The following GFRA3 variants were observed in gnomAD, a reference collection of about 807,000 sequenced individuals.
The protein encoded by GFRA3 is GDNF family receptor alpha 3.
Under a neutral mutation model 40.0 loss-of-function variants are expected in GFRA3, and 24 were observed. The observed-to-expected ratio is 0.60, with a 90% CI of 0.43 to 0.84. GFRA3 has a LOEUF of 0.84. Among genes scored for constraint, GFRA3 ranks in the 40% least tolerant of loss-of-function variants. The pLI, the probability that GFRA3 is intolerant of heterozygous loss-of-function variation, is 0.00. For synonymous variants in GFRA3, 203 were observed against 213.5 expected (o/e 0.95, Z 0.43); for missense variants, 405 against 530.6 (o/e 0.76, Z 2.33).
In GFRA3 at chr5:138,257,915, G is replaced by A. The variant is rs1183313151; in HGVS notation, c.509C>T (p.Thr170Ile). ...CAGCCGGTCACACTTGTCATTGAGA[G>A]TACACAGCATGGCAAACTTGAGGCA... Reference protein sequence around the residue: ...DLCLKFAMLCTLNDKCDRLRK... With the variant: ...DLCLKFAMLCILNDKCDRLRK... The change falls in exon 4 of 8, where the codon ACT becomes ATT. Residue 170 changes from threonine to isoleucine, a missense_variant. By Grantham distance (89) the Thr-to-Ile change is moderately conservative (BLOSUM62 -1). Transcript: ENST00000274721. 6.2e-7 allele frequency: 1 copy of A among 1,614,126 alleles called. No homozygotes were observed.
intron 1 of GFRA3, among the ~76,000 whole-genome samples, chr5:138,271,991 T>A (rs4835673): frequency 7.9e-6 from 1 of 126,422 alleles, no homozygotes; most frequent in African/African-American, 3.1e-5. Context: ...TTTTGCACGT[T>A]CACAGTATTT....
chr5:138,259,422 C>T, intron 3 of GFRA3, 135 bp downstream of exon 3: 1 of 661,646 alleles, frequency 1.5e-6, no homozygotes, highest in East Asian at 2.7e-5. Flanking sequence ...TCCAGCCTGA[C>T]ACAGTCTTCC....
At chr5:138,258,533 C>G (rs1335782201) in intron 3 of GFRA3, among the ~76,000 whole-genome samples, 3 of 152,118 alleles carry the variant, frequency 2.0e-5, no homozygotes, top group Non-Finnish European at 4.4e-5. Context: ...CTATCATCAT[C>G]TATATGCATC....
At chr5:138,256,532 A>AC (rs1395711143) in intron 4 of GFRA3, among the ~76,000 whole-genome samples, 33 of 150,836 alleles carry the variant, frequency 2.2e-4, no homozygotes, top group East Asian at 1.8e-3. Flanking sequence ...CATCTCAAAA[A>AC]AAACAAACAA....
At chr5:138,260,225 G>T (rs114801866) in intron 2 of GFRA3, among the ~76,000 whole-genome samples, 2,297 of 152,274 alleles carry the variant, frequency 0.015, 28 homozygotes, top group South Asian at 0.033. Context: ...TCTGTGGATT[G>T]TGAGCTGAAG....
chr5:138,274,320 G>T lies in GFRA3; in HGVS notation c.91+14C>A, dbSNP rs774870199. ...CCCACTGTACCCCCGGCCGGTGCGC[G>T]CTCTGACACTCACCGGCTGCGAGAG... On this transcript the variant is annotated intron_variant, in intron 1 of 7. Transcript: ENST00000274721. The T allele has an allele frequency of 1.5e-6, 2 of 1,321,064 alleles. No individual in the cohort carries two copies. The highest frequency in any genetic ancestry group is 9.7e-7 in the Non-Finnish European group (1 of 1,029,674). The allele number at this position is 1,321,064 out of a possible 1,614,324, so 81.8% of individuals were successfully genotyped here.
chr5:138,259,944 G>A (rs1409841586), intron 2 of GFRA3, among the ~76,000 whole-genome samples: 6 of 152,070 alleles, frequency 3.9e-5, no homozygotes, highest in African/African-American at 7.2e-5. Context: ...TCGCACTTAC[G>A]CGATGGTGCT....
In GFRA3 at chr5:138,257,520, A is replaced by G. The variant is rs1203253248; in HGVS notation, c.785+119T>C. 6 of 733,966 alleles carry G rather than the reference A, an allele frequency of 8.2e-6. No homozygotes were observed. In the African/African-American group the frequency reaches 1.1e-4, roughly 14 times the overall value. 45.5% of individuals were successfully genotyped at this position (733,966 alleles called of 1,614,324 possible). The stretch of plus-strand genomic sequence containing the variant: ...AATATCCAAGGTAGCTACTTCGTGA[A>G]GCAGCCAGTGGGTCCACGGTTCCCT... On this transcript the variant is annotated intron_variant, in intron 4 of 7. Coordinates refer to ENST00000274721, the MANE Select transcript of GFRA3 (RefSeq NM_001496.4).
In GFRA3 at chr5:138,269,837, T is replaced by G. The variant is rs1327243581; in HGVS notation, c.91+4497A>C. Among the ~76,000 whole-genome samples, 3 of 105,498 alleles carry G rather than the reference T, an allele frequency of 2.8e-5. 1 individual carries two copies. In the South Asian group the frequency reaches 9.7e-4, roughly 34 times the overall value. 69.2% of individuals were successfully genotyped at this position (105,498 alleles called of 152,430 possible). A position where few individuals can be genotyped will look rare whatever the true frequency, so the allele number is the denominator to read the frequency against. On this transcript the variant is annotated intron_variant, in intron 1 of 7. Coordinates refer to ENST00000274721, the MANE Select transcript of GFRA3 (RefSeq NM_001496.4). ...CAGCCTGGTGGTGACACAGCAAGAC[T>G]CCATCTCAAAAAAAAAAAAAAAAAA... is the stretch of plus-strand genomic sequence containing the variant.
At position 138,257,801 on chromosome 5, in the gene GFRA3, G is replaced by A; in HGVS notation, c.623C>T (p.Ala208Val). The part of the protein sequence containing the change: ...RQLLTFFEKA[A>V]EPHAQGLLLC... ...TAGCAGGCCCTGCGCGTGGGGCTCG[G>A]CGGCCTTCTCGAAGAAAGTGAGCAG... Residue 208 changes from alanine (A) to valine (V), a missense_variant, in exon 4 of 8, where the codon GCC (alanine) becomes GTC (valine). Physicochemically the swap from Ala to Val is moderately conservative, Grantham distance 64. Coordinates refer to ENST00000274721, the MANE Select transcript of GFRA3 (RefSeq NM_001496.4). 6.2e-7 allele frequency: 1 copy of A among 1,613,226 alleles called. No homozygotes were observed. The highest frequency in any genetic ancestry group is 8.5e-7 in the Non-Finnish European group (1 of 1,179,654).
intron 6 of GFRA3, among the ~76,000 whole-genome samples, 176 bp from the exon 7 acceptor site, chr5:138,253,551 G>T (rs1384679209): frequency 3.3e-5 from 5 of 152,156 alleles, no homozygotes; most frequent in Non-Finnish European, 1.5e-5. Context: ...GATGTCCCTG[G>T]GTTCCAGACA....
intron 1 of GFRA3, among the ~76,000 whole-genome samples, chr5:138,271,999 TTTTC>T (rs1256123826): frequency 1.4e-5 from 2 of 142,280 alleles, no homozygotes; most frequent in Non-Finnish European, 3.0e-5. Flanking sequence ...GTTCACAGTA[TTTTC>T]TTTTTCTTTT....
rs371365382 is a variant in GFRA3 at position 138,254,100 on chromosome 5, T to G, written c.846A>C (p.Ala282=). ...CTCGTAGACATCTGGACTGCTCTGT[T>G]GCACAAGTTCCTAGGATGTCCATGG... ...CHPMDILGTC[A]TEQSRCLRAY... The change falls in exon 5 of 8, where the codon GCA becomes GCC. Residue 282 remains alanine (A), a synonymous_variant. Coordinates refer to ENST00000274721, the MANE Select transcript of GFRA3 (RefSeq NM_001496.4). 1.5e-5 allele frequency: 24 copies of G among 1,613,252 alleles called. No homozygotes were observed. Among genetic ancestry groups the G allele is most frequent in the Non-Finnish European group, 2.0e-5 (23 of 1,179,410 alleles).
intron 2 of GFRA3, among the ~76,000 whole-genome samples, chr5:138,262,782 TG>T (rs1755730291): frequency 6.6e-6 from 1 of 151,852 alleles, no homozygotes; most frequent in Non-Finnish European, 1.5e-5. Context: ...TGAGAATGTT[TG>T]TTGTGGTTAT....
In GFRA3 at chr5:138,257,836, G is replaced by A. The variant is rs770215526; in HGVS notation, c.588C>T (p.Cys196=). The A allele has an allele frequency of 1.9e-6, 3 of 1,613,850 alleles. No homozygotes were observed. The highest frequency in any genetic ancestry group is 2.5e-6 in the Non-Finnish European group (3 of 1,179,906). The change falls in exon 4 of 8, where the codon TGC becomes TGT. Residue 196 remains cysteine (C), a synonymous_variant. Transcript: ENST00000274721. ...CGAAGAAAGTGAGCAGCTGCCTGAG[G>A]CAGACGTGGCGCTGGCAGTGGGGCC... ...CSGPHCQRHV[C]LRQLLTFFEK... is the part of the protein sequence containing the mutation.
chr5:138,254,242 C>T, intron 4 of GFRA3, 82 bp from the exon 5 acceptor site: 5 of 809,424 alleles, frequency 6.2e-6, no homozygotes, highest in Non-Finnish European at 4.2e-6. Context: ...GGCTGGAGTG[C>T]AGTAGCTCAA....
intron 4 of GFRA3, among the ~76,000 whole-genome samples, chr5:138,256,540 C>CAA (rs71585110): frequency 3.0e-4 from 39 of 131,424 alleles, no homozygotes; most frequent in Middle Eastern, 3.9e-3. Context: ...AAAAAACAAA[C>CAA]AAAAAAAAAC....
chr5:138,264,248 A>G lies in GFRA3; in HGVS notation c.379+13T>C. 4 of 1,582,952 alleles carry G rather than the reference A, an allele frequency of 2.5e-6. No homozygotes were observed. Among genetic ancestry groups the G allele is most frequent in the South Asian group, 1.1e-5 (1 of 87,706 alleles). On this transcript the variant is annotated intron_variant, in intron 2 of 7. Coordinates refer to ENST00000274721, the MANE Select transcript of GFRA3 (RefSeq NM_001496.4). ...CTTCCCCAGCTTAGTCCACTCTATA[A>G]TGGGAGCCTCACCAAGGCTGCGGGC... is the stretch of plus-strand genomic sequence containing the variant.
At position 138,274,576 on chromosome 5, in the gene GFRA3, C is replaced by A. The variant is rs1581517106; in HGVS notation, c.-152G>T. The A allele has an allele frequency of 8.1e-7, 1 of 1,227,352 alleles. No individual in the cohort carries two copies. Among genetic ancestry groups the A allele is most frequent in the East Asian group, 3.2e-5 (1 of 31,480 alleles). 76.0% of individuals were successfully genotyped at this position (1,227,352 alleles called of 1,614,324 possible). On this transcript the variant is annotated 5_prime_UTR_variant, in exon 1 of 8. Transcript: ENST00000274721. Reference sequence around the variant, plus strand: ...CACCAGGGTCCTGGGCGCCGCCCTCCAACTCCGAAGCGCGCGTCCACACCA... The same window carrying A: ...CACCAGGGTCCTGGGCGCCGCCCTCAAACTCCGAAGCGCGCGTCCACACCA...
Sources: allele counts gnomAD v4.1 joint callset (sites outside exome capture counted in the v4.1 genomes callset), GRCh38; gene constraint gnomAD v4.1.1; transcripts MANE v1.5; gene names NCBI Gene and HGNC (gene_info 2026-07-23, HGNC 2026-07-21).